SETD1A: variants seen among roughly 807,000 people sequenced by gnomAD.
SETD1A encodes SET domain containing 1A, histone lysine methyltransferase, also known as histone-lysine N-methyltransferase SETD1A.
A neutral mutation model predicts 149.9 loss-of-function variants in SETD1A; 29 were observed. That is an observed-to-expected ratio of 0.19 (90% confidence interval 0.14 to 0.26). The LOEUF (loss-of-function observed/expected upper bound fraction) is 0.26, where lower values mean the gene tolerates loss of function less well. Ranked by LOEUF, SETD1A falls within the 10% of genes least tolerant of loss-of-function variation. The pLI is 1.00. For synonymous variants in SETD1A, 1,141 were observed against 968.5 expected (o/e 1.18, Z -3.31); for missense variants, 2,109 against 2,353.1 (o/e 0.90, Z 2.15).
rs764296676 is a variant in SETD1A, at chr16:30,979,591, C to T, written c.3805C>T (p.Pro1269Ser). The change falls in exon 14 of 19, where the codon CCT (proline) becomes TCT (serine). Residue 1269 changes from proline to serine, a missense_variant. Transcript: ENST00000262519. ...CCTGACCCCTGCCCGGCGCGGGCTG[C>T]CTGCCCTGCCTGCTGTTGAAGACTC... ...LALTPARRGL[P>S]ALPAVEDSEA... The T allele has an allele frequency of 7.5e-6, 12 of 1,610,710 alleles. No homozygotes were observed. The Admixed American group carries it at 2.0e-4, about 27-fold the overall frequency.
At chr16:30,981,402 GTC>G (rs937094364) in intron 17 of SETD1A, among the ~76,000 whole-genome samples, 1 of 152,196 alleles carries the variant, frequency 6.6e-6, no homozygotes, top group African/African-American at 2.4e-5. Flanking sequence ...TTGAGACATA[GTC>G]TCTCTCTGTT....
At position 30,965,194 on chromosome 16, in the gene SETD1A, G is replaced by A. The variant is rs1443757322; in HGVS notation, c.1452G>A (p.Gln484=). ...ETTNESVPFA[Q]HSSLDSRIEM... ...CCAATGAGAGTGTGCCCTTCGCCCA[G>A]CACAGCAGCCTGGATTCCCGCATCG... The change falls in exon 7 of 19, where the codon CAG becomes CAA. Residue 484 remains glutamine (Q), a synonymous_variant. Coordinates refer to ENST00000262519, the MANE Select transcript of SETD1A (RefSeq NM_014712.3). 1.9e-6 allele frequency: 3 copies of A among 1,614,058 alleles called. No homozygotes were observed. The highest frequency in any genetic ancestry group is 2.5e-6 in the Non-Finnish European group (3 of 1,180,034).
Position 30,983,209 on chromosome 16 carries a change from C to A in SETD1A, c.4813-426C>A, listed in dbSNP as rs2056403693. Among the ~76,000 whole-genome samples, 1 of 152,146 alleles carries A rather than the reference C, an allele frequency of 6.6e-6. No individual in the cohort carries two copies. Among genetic ancestry groups the A allele is most frequent in the African/African-American group, 2.4e-5 (1 of 41,426 alleles). On this transcript the variant is annotated intron_variant, in intron 17 of 18. Coordinates refer to ENST00000262519, the MANE Select transcript of SETD1A (RefSeq NM_014712.3). This position sits in a 1 kb window ranked among gnomAD's most constrained non-coding sequence, Gnocchi z 6.8. ...ATGGGCGGCCTGCCATTTGCATTAG[C>A]CGGTGGCAGCCAACAGGTGCCTGTT... is the stretch of plus-strand genomic sequence containing the variant.
At chr16:30,973,724 C>T (rs933144839) in intron 13 of SETD1A, among the ~76,000 whole-genome samples, 1 of 152,050 alleles carries the variant, frequency 6.6e-6, no homozygotes, top group Non-Finnish European at 1.5e-5. Flanking sequence ...GTTGAGAATC[C>T]GTGGTCTGAG....
chr16:30,971,838 A>C, intron 13 of SETD1A, 119 bp downstream of exon 13: 2 of 1,279,602 alleles, frequency 1.6e-6, no homozygotes, highest in South Asian at 1.7e-5. Flanking sequence ...ATACAAAGAA[A>C]ATGTCACCAT....
intron 11 of SETD1A, 63 bp from the exon 12 acceptor site, chr16:30,969,538 GC>G (rs1306047664): frequency 6.2e-5 from 98 of 1,590,960 alleles, no homozygotes; most frequent in Non-Finnish European, 7.9e-5. Context: ...AGCCCAGGCA[GC>G]TGTGCCTGGT....
chr16:30,968,446 A>G (rs753369220), intron 10 of SETD1A, among the ~76,000 whole-genome samples: 4 of 151,380 alleles, frequency 2.6e-5, no homozygotes, highest in African/African-American at 7.3e-5. Context: ...GTACACACAC[A>G]TATGTATATA....
rs769871463 is a variant in SETD1A, at chr16:30,965,806, C to T, written c.1925C>T (p.Pro642Leu). The T allele has an allele frequency of 1.3e-5, 21 of 1,593,586 alleles. No homozygotes were observed. Among genetic ancestry groups the T allele is most frequent in the East Asian group, 6.7e-5 (3 of 44,648 alleles). Residue 642 changes from proline to leucine, a missense_variant, in exon 8 of 19, where the codon CCG (proline) becomes CTG (leucine). By Grantham distance (98) the Pro-to-Leu change is moderately conservative. Around this residue, in one of 8 missense-constraint regions of SETD1A, gnomAD observed 431 missense variants for 388.6 expected, o/e 1.11. Coordinates refer to ENST00000262519, the MANE Select transcript of SETD1A (RefSeq NM_014712.3). The stretch of plus-strand genomic sequence containing the variant: ...CTCCCACCCAGACCTGATGGGCCGC[C>T]GCCCCCTGAGTACCCCCCACCTCCT... ...YLLPPRPDGP[P>L]PPEYPPPPPP...
In SETD1A at chr16:30,983,568, C is replaced by CT; in HGVS notation, c.4813-66dup. On this transcript the variant is annotated intron_variant, in intron 17 of 18. Transcript: ENST00000262519. This position sits in a 1 kb window ranked among gnomAD's most constrained non-coding sequence, Gnocchi z 6.8. ...GGTGGGCGTGGACCTGGGGTGCTGG[C>CT]TGGCAGGCGTGCTCAGGGGCAGGAA... 1 of 1,560,986 alleles carries CT rather than the reference C, an allele frequency of 6.4e-7. No homozygotes were observed. Among genetic ancestry groups the CT allele is most frequent in the Non-Finnish European group, 8.7e-7 (1 of 1,153,072 alleles).
chr16:30,980,367 T>G lies in SETD1A; in HGVS notation c.4409-118T>G. On this transcript the variant is annotated intron_variant, in intron 14 of 18. Transcript: ENST00000262519. This position sits in a 1 kb window ranked among gnomAD's most constrained non-coding sequence, Gnocchi z 7.7. ...GCATTTCTGGCAGGAACGATGGGGCTGGGGCTTCCTCCCCTGTCCCTCACC... is the reference window on the plus strand; with the variant it reads ...GCATTTCTGGCAGGAACGATGGGGCGGGGGCTTCCTCCCCTGTCCCTCACC... 1 of 1,450,808 alleles carries G rather than the reference T, an allele frequency of 6.9e-7. No individual in the cohort carries two copies. Among genetic ancestry groups the G allele is most frequent in the Non-Finnish European group, 9.3e-7 (1 of 1,073,276 alleles). 89.9% of individuals were successfully genotyped at this position (1,450,808 alleles called of 1,614,324 possible).
intron 13 of SETD1A, among the ~76,000 whole-genome samples, chr16:30,975,243 G>A (rs2056270535): frequency 6.6e-6 from 1 of 151,998 alleles, no homozygotes; most frequent in Admixed American, 6.6e-5. Context: ...CTGGGAGGTG[G>A]AGGTTGCGGT....
chr16:30,960,121 T>G (rs2054214), intron 3 of SETD1A, among the ~76,000 whole-genome samples: 24,166 of 152,230 alleles, frequency 0.16, 2,414 homozygotes, highest in Non-Finnish European at 0.23. Context: ...CATTGCCACT[T>G]AATGTAGACC....
At chr16:30,970,888 C>T (rs536051604) in intron 12 of SETD1A, among the ~76,000 whole-genome samples, 1 of 152,336 alleles carries the variant, frequency 6.6e-6, no homozygotes, top group African/African-American at 2.4e-5. Flanking sequence ...TCAGTTTTTT[C>T]GAGTCCTTCC....
intron 12 of SETD1A, among the ~76,000 whole-genome samples, chr16:30,970,267 A>G (rs2056208320): frequency 8.5e-6 from 1 of 117,790 alleles, no homozygotes; most frequent in East Asian, 2.5e-4. Flanking sequence ...CCACACCCAG[A>G]TTTTTTTTTT....
Position 30,980,466 on chromosome 16 carries a change from C to G in SETD1A, c.4409-19C>G. The G allele has an allele frequency of 1.9e-6, 3 of 1,603,464 alleles. No homozygotes were observed. The highest frequency in any genetic ancestry group is 1.7e-6 in the Non-Finnish European group (2 of 1,173,802). On this transcript the variant is annotated intron_variant, in intron 14 of 18. Coordinates refer to ENST00000262519, the MANE Select transcript of SETD1A (RefSeq NM_014712.3). This position sits in a 1 kb window ranked among gnomAD's most constrained non-coding sequence, Gnocchi z 7.7. Reference sequence around the variant, plus strand: ...CAGGTGGCCAGAGAGGAGCCGTTCTCTTCCTTAACACCCTGCACTCACCAA... The same window carrying G: ...CAGGTGGCCAGAGAGGAGCCGTTCTGTTCCTTAACACCCTGCACTCACCAA...
chr16:30,978,163 A>C (rs566223440), intron 13 of SETD1A, among the ~76,000 whole-genome samples: 1 of 151,512 alleles, frequency 6.6e-6, no homozygotes, highest in East Asian at 2.0e-4. Flanking sequence ...AGTCCCAGCT[A>C]CTCGGGAGGC....
At chr16:30,975,843 A>G (rs2056278171) in intron 13 of SETD1A, among the ~76,000 whole-genome samples, 1 of 152,070 alleles carries the variant, frequency 6.6e-6, no homozygotes, top group Admixed American at 6.6e-5. Flanking sequence ...AAGAGAGGGC[A>G]GGGTTGAGGG....
rs745916390 is a variant in SETD1A at position 30,965,597 on chromosome 16, G to T, written c.1720-4G>T. ...CCTTCTGTGACCCTCTTCTGCCCCC[G>T]CAGGCTTCTCCATGCTCTTCTGGAG... On this transcript the variant is annotated splice_region_variant and splice_polypyrimidine_tract_variant and intron_variant, in intron 7 of 18. Transcript: ENST00000262519. The T allele has an allele frequency of 1.9e-6, 3 of 1,612,246 alleles. No homozygotes were observed. The highest frequency in any genetic ancestry group is 2.5e-6 in the Non-Finnish European group (3 of 1,179,372).
Position 30,967,516 on chromosome 16 carries a change from C to T in SETD1A, c.2698C>T (p.Pro900Ser). The change falls in exon 10 of 19, where the codon CCA becomes TCA. Residue 900 changes from proline (P) to serine (S), a missense_variant. Pro to Ser is a moderately conservative substitution (Grantham distance 74). Transcript: ENST00000262519. ...CATCCCCCAGGTAAAGCGGAAAGAG[C>T]CATCGGAAATTTCCGAGGCCAGTGA... ...LPSFKVKRKE[P>S]SEISEASEEK... is the part of the protein sequence containing the mutation. The T allele has an allele frequency of 6.2e-7, 1 of 1,613,946 alleles. No homozygotes were observed. The highest frequency in any genetic ancestry group is 8.5e-7 in the Non-Finnish European group (1 of 1,179,926).
Sources: allele counts gnomAD v4.1 joint callset (sites outside exome capture counted in the v4.1 genomes callset), GRCh38; gene constraint gnomAD v4.1.1; regional missense constraint gnomAD v4.1.1; non-coding constraint Gnocchi (gnomAD v3.1); transcripts MANE v1.5; gene names NCBI Gene and HGNC (gene_info 2026-07-23, HGNC 2026-07-21).